Variants in DHCR24 observed in about 807,000 individuals in gnomAD.
DHCR24 encodes the protein 24-dehydrocholesterol reductase, also known as delta(24)-sterol reductase.
DHCR24 carries 28 observed loss-of-function variants against 61.2 expected under a neutral mutation model. That is an observed-to-expected ratio of 0.46 (90% CI 0.34 to 0.63). DHCR24 has a LOEUF of 0.63. Ranked by LOEUF, DHCR24 falls within the 20% of genes least tolerant of loss-of-function variation. The probability of loss-of-function intolerance (pLI) is 0.01; values close to 1 mark genes in which losing one functional copy is unlikely to be tolerated. For missense variants in DHCR24, 538 were observed against 679.1 expected, an observed-to-expected ratio of 0.79 and a Z score of 2.31; for synonymous variants, 261 against 275.9, an observed-to-expected ratio of 0.95 and a Z score of 0.54.
At chr1:54,860,750 C>A (rs1355189000) in intron 6 of DHCR24, among the ~76,000 whole-genome samples, 2 of 152,148 alleles carry the variant, frequency 1.3e-5, no homozygotes, top group African/African-American at 4.8e-5. Flanking sequence ...CTTTGGGAGG[C>A]CGGGGCGGGC....
chr1:54,862,173 C>A (rs948340520), intron 6 of DHCR24, among the ~76,000 whole-genome samples: 2 of 151,158 alleles, frequency 1.3e-5, no homozygotes, highest in African/African-American at 2.4e-5. Flanking sequence ...GTCATGACTG[C>A]CATCTCTCCC....
intron 6 of DHCR24, among the ~76,000 whole-genome samples, chr1:54,854,923 C>G (rs147530181): frequency 6.6e-6 from 1 of 152,206 alleles, no homozygotes; most frequent in African/African-American, 2.4e-5. Flanking sequence ...TGCCTCCTGA[C>G]GATGGCCCCC....
chr1:54,878,872 G>A (rs1471363106), intron 2 of DHCR24, among the ~76,000 whole-genome samples: 3 of 152,020 alleles, frequency 2.0e-5, no homozygotes, highest in Non-Finnish European at 2.9e-5. Flanking sequence ...GGCATACAGA[G>A]GCAGAAAAAT....
At chr1:54,858,160 C>T (rs1646918025) in intron 6 of DHCR24, among the ~76,000 whole-genome samples, 1 of 152,270 alleles carries the variant, frequency 6.6e-6, no homozygotes. Context: ...TCCAGGGAGG[C>T]ACCCGTTCCC....
chr1:54,854,884 G>A (rs564844069), intron 6 of DHCR24, among the ~76,000 whole-genome samples: 1 of 152,144 alleles, frequency 6.6e-6, no homozygotes, highest in African/African-American at 2.4e-5. Flanking sequence ...AGACTGCCAC[G>A]AGGCGGGAGC....
intron 6 of DHCR24, among the ~76,000 whole-genome samples, chr1:54,862,666 A>G (rs1646944868): frequency 6.6e-6 from 1 of 152,116 alleles, no homozygotes; most frequent in South Asian, 2.1e-4. Flanking sequence ...ATAGGGCTCC[A>G]ACCTCCACTG....
chr1:54,865,325 C>T lies in DHCR24; in HGVS notation c.998G>A (p.Arg333His), dbSNP rs201146876. The change falls in exon 6 of 9, where the codon CGC becomes CAC. Residue 333 changes from arginine to histidine, a missense_variant. Transcript: ENST00000371269. ...PLRHYYHRHT[R>H]SIFWELQDII... ...CACCTGGAGCTCCCAGAAGATGCTG[C>T]GCGTGTGGCGGTGGTAGTAGTGTCT... 3.7e-6 allele frequency: 6 copies of T among 1,613,892 alleles called. No individual in the cohort carries two copies. Among genetic ancestry groups the T allele is most frequent in the Non-Finnish European group, 5.1e-6 (6 of 1,179,928 alleles).
Position 54,871,568 on chromosome 1 carries a change from TC to T in DHCR24, c.657del (p.Thr220ArgfsTer61). 1 of 1,614,034 alleles carries T rather than the reference TC, an allele frequency of 6.2e-7. No homozygotes were observed. ...DLFYAVPWSC[G>X]TLGFLVAAEI... ...TCAGCGGCCACCAGGAAACCCAGCG[TC>T]CCACAGGACCAGGGTACGGCATAGA... On this transcript the variant is annotated frameshift_variant, in exon 5 of 9. Transcript: ENST00000371269. LOFTEE classifies it high-confidence loss of function.
chr1:54,868,053 A>G (rs1646976744), intron 5 of DHCR24, among the ~76,000 whole-genome samples: 1 of 152,182 alleles, frequency 6.6e-6, no homozygotes, highest in Non-Finnish European at 1.5e-5. Context: ...TTATTTGTAG[A>G]GAGGATTGTA....
rs1310483469 is a variant in DHCR24 at position 54,871,550 on chromosome 1, C to T, written c.676G>A (p.Ala226Thr). 1 of 1,614,064 alleles carries T rather than the reference C, an allele frequency of 6.2e-7. No individual in the cohort carries two copies. Among genetic ancestry groups the T allele is most frequent in the Admixed American group, 1.7e-5 (1 of 60,016 alleles). ...WSCGTLGFLV[A>T]AEIRIIPAKK... ...GCAGGGATGATGCGGATCTCAGCGG[C>T]CACCAGGAAACCCAGCGTCCCACAG... is the stretch of plus-strand genomic sequence containing the variant. Residue 226 changes from alanine (A) to threonine (T), a missense_variant, in exon 5 of 9, where the codon GCC (alanine) becomes ACC (threonine). Physicochemically the swap from Ala to Thr is moderately conservative, Grantham distance 58 (BLOSUM62 0). Transcript: ENST00000371269.
intron 6 of DHCR24, among the ~76,000 whole-genome samples, chr1:54,860,768 G>A (rs1273018763): frequency 3.9e-5 from 6 of 152,028 alleles, no homozygotes; most frequent in Non-Finnish European, 8.8e-5. Flanking sequence ...GGCGGATCAC[G>A]AGGTCAGGAG....
At chr1:54,876,078 A>C in intron 2 of DHCR24, 31 bp from the exon 3 acceptor site, 1 of 1,584,540 alleles carries the variant, frequency 6.3e-7, no homozygotes, top group Non-Finnish European at 8.7e-7. Context: ...ACCCTGGGTC[A>C]AAAGGAGGCT....
intron 1 of DHCR24, 199 bp downstream of exon 1, chr1:54,886,690 G>C: frequency 6.7e-7 from 1 of 1,491,844 alleles, no homozygotes; most frequent in Non-Finnish European, 8.9e-7. Flanking sequence ...CCTGCACACA[G>C]TGGGCACTTT....
Position 54,871,508 on chromosome 1 carries a change from G to A in DHCR24, c.718C>T (p.Leu240=), listed in dbSNP as rs191246223. ...AGGCCCCGCACTGGCTCGAAACGCA[G>A]CTTGACGTACTTCTTGGCAGGGATG... ...RIIPAKKYVK[L]RFEPVRGLEA... Residue 240 remains leucine (L), a synonymous_variant, in exon 5 of 9, where the codon CTG becomes TTG. Coordinates refer to ENST00000371269, the MANE Select transcript of DHCR24 (RefSeq NM_014762.4). 1.9e-5 allele frequency: 31 copies of A among 1,614,222 alleles called. No homozygotes were observed. In the East Asian group the frequency reaches 6.9e-4, roughly 36 times the overall value.
chr1:54,853,385 C>A (rs1389895261), intron 8 of DHCR24, 49 bp downstream of exon 8: 27 of 1,611,032 alleles, frequency 1.7e-5, no homozygotes, highest in Non-Finnish European at 2.3e-5. Flanking sequence ...TGGAGCAGTA[C>A]CCTGGGGCTG....
At chr1:54,860,141 C>A (rs565229867) in intron 6 of DHCR24, among the ~76,000 whole-genome samples, 1 of 152,338 alleles carries the variant, frequency 6.6e-6, no homozygotes, top group East Asian at 1.9e-4. Context: ...TCAGAACTGA[C>A]CAATCACCCT....
intron 6 of DHCR24, among the ~76,000 whole-genome samples, chr1:54,863,453 C>T (rs1646949866): frequency 6.6e-6 from 1 of 152,214 alleles, no homozygotes; most frequent in African/African-American, 2.4e-5. Flanking sequence ...CCTCATTCCT[C>T]ACCATAGCTC....
chr1:54,870,071 T>G (rs1280983914), intron 5 of DHCR24, among the ~76,000 whole-genome samples: 2 of 151,200 alleles, frequency 1.3e-5, no homozygotes, highest in Non-Finnish European at 2.9e-5. Flanking sequence ...AAAAAAAAAT[T>G]TTTAACTGGA....
In DHCR24 at chr1:54,849,938, C is replaced by G. The variant is rs7373; in HGVS notation, c.*2295G>C. 0.39 allele frequency: 59,923 copies of G among 152,478 alleles called. 13,188 individuals are homozygous for G. Among genetic ancestry groups the G allele is most frequent in the East Asian group, 0.59 (3,048 of 5,168 alleles). 9.4% of individuals were successfully genotyped at this position (152,478 alleles called of 1,614,324 possible). A position where few individuals can be genotyped will look rare whatever the true frequency, so the allele number is the denominator to read the frequency against. On this transcript the variant is annotated 3_prime_UTR_variant, in exon 9 of 9. Coordinates refer to ENST00000371269, the MANE Select transcript of DHCR24 (RefSeq NM_014762.4). ...AAACTCAGGGCTCTGGAGGGGAGAG[C>G]CTTACTCTGATACTTTCCACATGCA...
Sources: allele counts gnomAD v4.1 joint callset (sites outside exome capture counted in the v4.1 genomes callset), GRCh38; gene constraint gnomAD v4.1.1; transcripts MANE v1.5; gene names NCBI Gene and HGNC (gene_info 2026-07-23, HGNC 2026-07-21).